The following ATP9A variants were observed in gnomAD, a reference collection of about 807,000 sequenced individuals.
ATP9A encodes ATPase phospholipid transporting 9A.
ATP9A carries 52 observed loss-of-function variants against 144.1 expected under a neutral mutation model. That is an observed-to-expected ratio of 0.36 (90% CI 0.29 to 0.45). The LOEUF (loss-of-function observed/expected upper bound fraction) is 0.45. Ranked by LOEUF, ATP9A falls within the 20% of genes least tolerant of loss-of-function variation. The probability of loss-of-function intolerance (pLI) is 1.00; values close to 1 mark genes in which losing one functional copy is unlikely to be tolerated. For synonymous variants in ATP9A, 582 were observed against 557.4 expected (o/e 1.04, Z -0.62); for missense variants, 947 against 1,392.7 (o/e 0.68, Z 5.09).
chr20:51,744,647 C>T (rs750756127), intron 1 of ATP9A, among the ~76,000 whole-genome samples: 1 of 152,180 alleles, frequency 6.6e-6, no homozygotes, highest in Non-Finnish European at 1.5e-5. Flanking sequence ...AAAAAGGTAA[C>T]TAATGTAACA....
Position 51,622,154 on chromosome 20 carries a change from C to A in ATP9A, c.2035G>T (p.Asp679Tyr). ...GTGCACGTAGCTGTCTCCAGCTTGT[C>A]CCCTGTCAGCATCCAAACCTGAAAT... ...AGIKVWMLTGDKLETATCTAK... is the reference protein window; with the variant it reads ...AGIKVWMLTGYKLETATCTAK... Residue 679 changes from aspartate (D) to tyrosine (Y), a missense_variant, in exon 19 of 28, where the codon GAC becomes TAC. Asp to Tyr is a radical substitution (Grantham distance 160). This residue lies in a region of ATP9A where 770 missense variants were observed against 1,047.9 expected (regional missense o/e 0.73). Coordinates refer to ENST00000338821, the MANE Select transcript of ATP9A (RefSeq NM_006045.3). The A allele has an allele frequency of 6.2e-7, 1 of 1,614,068 alleles. No homozygotes were observed. Among genetic ancestry groups the A allele is most frequent in the African/African-American group, 1.3e-5 (1 of 75,038 alleles).
rs201265959 is a variant in ATP9A, at chr20:51,694,011, G to A, written c.639C>T (p.Ala213=). Residue 213 remains alanine, a synonymous_variant, in exon 7 of 28, where the codon GCC becomes GCT. Coordinates refer to ENST00000338821, the MANE Select transcript of ATP9A (RefSeq NM_006045.3). The part of the protein sequence containing the change: ...PVACTQRLPT[A]ADLLQIRSYV... Reference sequence around the variant, plus strand: ...TTCTGCAGGGAAAGCTACTCACGGCGGCCGTGGGGAGCCTCTGCGTGCAGG... The same window carrying A: ...TTCTGCAGGGAAAGCTACTCACGGCAGCCGTGGGGAGCCTCTGCGTGCAGG... The A allele has an allele frequency of 1.4e-5, 23 of 1,612,618 alleles. No individual in the cohort carries two copies. The highest frequency in any genetic ancestry group is 1.0e-4 in the Admixed American group (6 of 59,870).
intron 16 of ATP9A, among the ~76,000 whole-genome samples, chr20:51,628,152 C>A (rs1015027432): frequency 2.0e-5 from 3 of 152,212 alleles, no homozygotes; most frequent in African/African-American, 7.2e-5. Flanking sequence ...AAAATCACAA[C>A]CTGTTTGTTC....
chr20:51,640,761 G>A (rs1377563789), intron 14 of ATP9A, among the ~76,000 whole-genome samples: 1 of 152,180 alleles, frequency 6.6e-6, no homozygotes. Flanking sequence ...AGGGCTGAGT[G>A]GGGGCTGTGG....
chr20:51,633,492 T>A (rs1239651243), intron 15 of ATP9A, among the ~76,000 whole-genome samples: 4 of 152,206 alleles, frequency 2.6e-5, no homozygotes, highest in African/African-American at 9.7e-5. Flanking sequence ...ACGCCTGTAA[T>A]CCCAGTACTT....
At chr20:51,675,017 G>C (rs2077471341) in intron 10 of ATP9A, among the ~76,000 whole-genome samples, 1 of 152,022 alleles carries the variant, frequency 6.6e-6, no homozygotes, top group Non-Finnish European at 1.5e-5. Context: ...TCGCCATGTT[G>C]GCCAGGCTGG....
chr20:51,637,633 G>A (rs2077298102), intron 15 of ATP9A, among the ~76,000 whole-genome samples: 1 of 152,060 alleles, frequency 6.6e-6, no homozygotes, highest in Non-Finnish European at 1.5e-5. Context: ...TCCGCCAGCA[G>A]GCAGGGGGCA....
chr20:51,682,155 C>A lies in ATP9A; in HGVS notation c.800-5947G>T, dbSNP rs560879468. Among the ~76,000 whole-genome samples the A allele has an allele frequency of 5.9e-5, 9 of 152,046 alleles. No individual in the cohort carries two copies. In the South Asian group the frequency reaches 1.9e-3, roughly 32 times the overall value. On this transcript the variant is annotated intron_variant, in intron 9 of 27. Transcript: ENST00000338821. ...CCTATTGGGTACTATGCTTACTGCC[C>A]GGGTGACAATATCATCTGTACACTA...
chr20:51,664,721 TC>T (rs1474913084), intron 13 of ATP9A, among the ~76,000 whole-genome samples: 1 of 151,958 alleles, frequency 6.6e-6, no homozygotes, highest in East Asian at 1.9e-4. Flanking sequence ...AACTTAAATT[TC>T]TTTTTTTTTT....
At chr20:51,698,739 G>T (rs1388499852) in intron 4 of ATP9A, among the ~76,000 whole-genome samples, 1 of 152,180 alleles carries the variant, frequency 6.6e-6, no homozygotes, top group Non-Finnish European at 1.5e-5. Flanking sequence ...CAGACGAAAG[G>T]CACCCTGAGA....
chr20:51,663,580 G>T (rs1601090445), intron 13 of ATP9A, among the ~76,000 whole-genome samples: 1 of 151,938 alleles, frequency 6.6e-6, no homozygotes, highest in African/African-American at 2.4e-5. Flanking sequence ...GGATCACGAG[G>T]TCAGGAGATC....
intron 18 of ATP9A, among the ~76,000 whole-genome samples, chr20:51,622,821 C>G (rs1025096104): frequency 1.3e-5 from 2 of 152,236 alleles, no homozygotes; most frequent in South Asian, 2.1e-4. Flanking sequence ...GTGATTTTAC[C>G]TCATTAACCC....
At chr20:51,630,998 TTCTG>T (rs1213175617) in intron 15 of ATP9A, among the ~76,000 whole-genome samples, 1 of 152,058 alleles carries the variant, frequency 6.6e-6, no homozygotes, top group Non-Finnish European at 1.5e-5. Flanking sequence ...AAAACTACAC[TTCTG>T]TCTGTTCGGC....
At chr20:51,631,773 A>G (rs1334264622) in intron 15 of ATP9A, among the ~76,000 whole-genome samples, 1 of 152,204 alleles carries the variant, frequency 6.6e-6, no homozygotes, top group East Asian at 1.9e-4. Flanking sequence ...CCGTGGCTCC[A>G]CGTGGGAAGG....
At chr20:51,661,508 G>A (rs992343765) in intron 13 of ATP9A, among the ~76,000 whole-genome samples, 4 of 145,286 alleles carry the variant, frequency 2.8e-5, no homozygotes, top group East Asian at 2.0e-4. Flanking sequence ...GACCACAGGC[G>A]TGCACCACCA....
At chr20:51,758,942 G>C (rs6126338) in intron 1 of ATP9A, among the ~76,000 whole-genome samples, 2 of 151,828 alleles carry the variant, frequency 1.3e-5, no homozygotes, top group Non-Finnish European at 2.9e-5. Context: ...AAAAGAAAGA[G>C]CCCGTCTGCA....
intron 1 of ATP9A, among the ~76,000 whole-genome samples, chr20:51,751,796 G>T (rs2077833305): frequency 6.6e-6 from 1 of 152,032 alleles, no homozygotes; most frequent in Non-Finnish European, 1.5e-5. Flanking sequence ...CACCGTGTTA[G>T]CCAGGATGGT....
chr20:51,657,903 G>A (rs1374525566), intron 13 of ATP9A, among the ~76,000 whole-genome samples: 1 of 152,170 alleles, frequency 6.6e-6, no homozygotes, highest in Non-Finnish European at 1.5e-5. Context: ...TTGCCTTGCA[G>A]GCTGACTTTA....
chr20:51,754,902 G>C (rs141656071), intron 1 of ATP9A, among the ~76,000 whole-genome samples: 4 of 151,318 alleles, frequency 2.6e-5, no homozygotes, highest in African/African-American at 9.7e-5. Context: ...TTGAGATCAG[G>C]AGTTTGAGAC....
Sources: allele counts gnomAD v4.1 joint callset (sites outside exome capture counted in the v4.1 genomes callset), GRCh38; gene constraint gnomAD v4.1.1; regional missense constraint gnomAD v4.1.1; transcripts MANE v1.5; gene names NCBI Gene and HGNC (gene_info 2026-07-23, HGNC 2026-07-21).